The following CNKSR3 variants were observed in gnomAD, a reference collection of about 807,000 sequenced individuals.
CNKSR3 encodes CNKSR family member 3.
CNKSR3 carries 36 observed loss-of-function variants against 67.7 expected under a neutral mutation model. That is an observed-to-expected ratio of 0.53 (90% CI 0.41 to 0.70). The LOEUF (loss-of-function observed/expected upper bound fraction) is 0.70. CNKSR3 is among the 30% of genes least tolerant of loss of function. The pLI, the probability that CNKSR3 is intolerant of heterozygous loss-of-function variation, is 0.00. For synonymous variants in CNKSR3, 281 were observed against 271.4 expected (o/e 1.04, Z -0.35); for missense variants, 630 against 695.2 (o/e 0.91, Z 1.05).
chr6:154,501,181 T>C (rs1644177537), intron 1 of CNKSR3, among the ~76,000 whole-genome samples: 1 of 152,172 alleles, frequency 6.6e-6, no homozygotes, highest in Non-Finnish European at 1.5e-5. Flanking sequence ...AAGCTGTCAA[T>C]GACCCAACTG....
intron 1 of CNKSR3, among the ~76,000 whole-genome samples, chr6:154,471,230 C>T (rs1008235605): frequency 1.3e-5 from 2 of 152,122 alleles, no homozygotes; most frequent in African/African-American, 4.8e-5. Context: ...TTTATAAGAA[C>T]CTTTAAGTCA....
At chr6:154,504,809 T>G (rs1787066197) in intron 1 of CNKSR3, among the ~76,000 whole-genome samples, 1 of 151,642 alleles carries the variant, frequency 6.6e-6, no homozygotes, top group South Asian at 2.1e-4. Flanking sequence ...CAGGACAAGA[T>G]CAGCCTGGGC....
Position 154,393,712 on chromosome 6 carries a change from A to G in CNKSR3, c.*12642T>C, listed in dbSNP as rs1784631249. 6.6e-6 allele frequency: 1 copy of G among 152,210 alleles called. No individual in the cohort carries two copies. The highest frequency in any genetic ancestry group is 1.5e-5 in the Non-Finnish European group (1 of 68,046). 9.4% of individuals were successfully genotyped at this position (152,210 alleles called of 1,614,324 possible). A position where few individuals can be genotyped will look rare whatever the true frequency, so the allele number is the denominator to read the frequency against. Reference sequence around the variant, plus strand: ...GTACTCAGCCCTTTTACTGTCTTCTATAAGAAATCTTTCCCTATCCAAGGT... The same window carrying G: ...GTACTCAGCCCTTTTACTGTCTTCTGTAAGAAATCTTTCCCTATCCAAGGT... On this transcript the variant is annotated 3_prime_UTR_variant, in exon 13 of 13. Coordinates refer to ENST00000607772, the MANE Select transcript of CNKSR3 (RefSeq NM_173515.4).
At chr6:154,417,510 T>C (rs1785047741) in intron 9 of CNKSR3, among the ~76,000 whole-genome samples, 1 of 152,208 alleles carries the variant, frequency 6.6e-6, no homozygotes, top group African/African-American at 2.4e-5. Flanking sequence ...GCTACCCTTA[T>C]ACAGCAGCCT....
chr6:154,505,643 G>A (rs753177306), intron 1 of CNKSR3, among the ~76,000 whole-genome samples: 1 of 150,778 alleles, frequency 6.6e-6, no homozygotes, highest in Non-Finnish European at 1.5e-5. Context: ...GACTACAGGC[G>A]CCCACCACCA....
At chr6:154,500,673 G>C (rs749006691) in intron 1 of CNKSR3, among the ~76,000 whole-genome samples, 2 of 152,148 alleles carry the variant, frequency 1.3e-5, no homozygotes, top group African/African-American at 2.4e-5. Flanking sequence ...GGGAGCTATA[G>C]TTTCTAAAGC....
At chr6:154,429,183 GC>G (rs1785315192) in intron 6 of CNKSR3, among the ~76,000 whole-genome samples, 2 of 152,098 alleles carry the variant, frequency 1.3e-5, no homozygotes, top group African/African-American at 4.8e-5. Context: ...GGGAAAGAGA[GC>G]AAAAAGTAGA....
rs372645785 is a variant in CNKSR3 at position 154,488,356 on chromosome 6, G to T, written c.52+21707C>A. ...TTAGATTTCTTCCTGAATTCCTAAG[G>T]TTGCTTATGGACATTTGTACTTTTT... On this transcript the variant is annotated intron_variant, in intron 1 of 12. Coordinates refer to ENST00000607772, the MANE Select transcript of CNKSR3 (RefSeq NM_173515.4). Among the ~76,000 whole-genome samples, 5 of 152,144 alleles carry T rather than the reference G, an allele frequency of 3.3e-5. No homozygotes were observed. The East Asian group carries it at 9.6e-4, about 29-fold the overall frequency.
intron 4 of CNKSR3, among the ~76,000 whole-genome samples, chr6:154,435,185 G>A (rs1286612388): frequency 1.3e-5 from 2 of 151,778 alleles, no homozygotes; most frequent in East Asian, 1.9e-4. Context: ...TTGTAGAGAC[G>A]GGGTTTCACC....
chr6:154,406,711 T>A, intron 12 of CNKSR3, 59 bp from the exon 13 acceptor site: 1 of 1,472,440 alleles, frequency 6.8e-7, no homozygotes, highest in South Asian at 1.3e-5. Context: ...GGCTCACACC[T>A]GTAATCTCCG....
At position 154,509,922 on chromosome 6, in the gene CNKSR3, T is replaced by C. The variant is rs1787180364; in HGVS notation, c.52+141A>G. On this transcript the variant is annotated intron_variant, in intron 1 of 12. Coordinates refer to ENST00000607772, the MANE Select transcript of CNKSR3 (RefSeq NM_173515.4). ...CGAGAGATAGGAGCGCACAGGCCAC[T>C]CGGCAGAAGTTTGCATTGTCACCGG... is the stretch of plus-strand genomic sequence containing the variant. 8 of 893,324 alleles carry C rather than the reference T, an allele frequency of 9.0e-6. No homozygotes were observed. The South Asian group carries it at 1.0e-4, about 11-fold the overall frequency. 55.3% of individuals were successfully genotyped at this position (893,324 alleles called of 1,614,324 possible).
Position 154,406,480 on chromosome 6 carries a change from G to A in CNKSR3, c.1542C>T (p.Ser514=), listed in dbSNP as rs754593641. ...RCYINSDLHS[S]ATIPFQEEGT... is the part of the protein sequence containing the mutation. ...CTTCCTCCTGGAATGGAATCGTGGC[G>A]CTGCTGTGGAGATCTGAGTTGATGT... The change falls in exon 13 of 13, where the codon AGC becomes AGT. Residue 514 remains serine, a synonymous_variant. Coordinates refer to ENST00000607772, the MANE Select transcript of CNKSR3 (RefSeq NM_173515.4). 20 of 1,614,088 alleles carry A rather than the reference G, an allele frequency of 1.2e-5. No homozygotes were observed. The highest frequency in any genetic ancestry group is 1.0e-4 in the Admixed American group (6 of 60,008).
At chr6:154,457,576 G>A (rs753564818) in intron 1 of CNKSR3, among the ~76,000 whole-genome samples, 2 of 152,066 alleles carry the variant, frequency 1.3e-5, no homozygotes, top group African/African-American at 4.8e-5. Flanking sequence ...AAACAGCCGG[G>A]CGTGGTGGCC....
At chr6:154,444,044 G>A (rs1317390334) in intron 2 of CNKSR3, among the ~76,000 whole-genome samples, 2 of 151,944 alleles carry the variant, frequency 1.3e-5, no homozygotes, top group Admixed American at 6.6e-5. Flanking sequence ...TAGAGGTGGG[G>A]GTATAAATTT....
At chr6:154,439,823 C>T (rs141813560) in intron 4 of CNKSR3, among the ~76,000 whole-genome samples, 7 of 152,172 alleles carry the variant, frequency 4.6e-5, no homozygotes, top group Admixed American at 1.3e-4. Flanking sequence ...GCAAGGAGGT[C>T]GAGGCTGCAG....
At chr6:154,509,681 C>T (rs1190444515) in intron 1 of CNKSR3, among the ~76,000 whole-genome samples, 1 of 152,174 alleles carries the variant, frequency 6.6e-6, no homozygotes, top group East Asian at 1.9e-4. Flanking sequence ...CACACAAAGG[C>T]ACCTTGTGCC....
At chr6:154,412,529 G>A (rs1412931925) in intron 10 of CNKSR3, among the ~76,000 whole-genome samples, 1 of 152,144 alleles carries the variant, frequency 6.6e-6, no homozygotes, top group African/African-American at 2.4e-5. Flanking sequence ...CACATTAGTA[G>A]TGGAATGTCA....
chr6:154,463,371 C>T lies in CNKSR3; in HGVS notation c.53-13113G>A, dbSNP rs561052121. On this transcript the variant is annotated intron_variant, in intron 1 of 12. Coordinates refer to ENST00000607772, the MANE Select transcript of CNKSR3 (RefSeq NM_173515.4). ...TACAGGCGTGAGCCACCGCGCCCGG[C>T]TTCACCTTTCTTTCATATATACATC... Among the ~76,000 whole-genome samples, 9 of 152,316 alleles carry T rather than the reference C, an allele frequency of 5.9e-5. No homozygotes were observed. The South Asian group carries it at 1.9e-3, about 32-fold the overall frequency.
intron 1 of CNKSR3, among the ~76,000 whole-genome samples, chr6:154,454,289 AT>A (rs761323308): frequency 4.4e-4 from 67 of 152,330 alleles, no homozygotes; most frequent in Non-Finnish European, 7.3e-4. Context: ...GTTAATGTTT[AT>A]AAAGAACTTA....
Sources: allele counts gnomAD v4.1 joint callset (sites outside exome capture counted in the v4.1 genomes callset), GRCh38; gene constraint gnomAD v4.1.1; transcripts MANE v1.5; gene names NCBI Gene and HGNC (gene_info 2026-07-23, HGNC 2026-07-21).